L3MBTL4: variants seen among roughly 807,000 people sequenced by gnomAD.
L3MBTL4 encodes L3MBTL histone methyl-lysine binding protein 4, also known as lethal(3)malignant brain tumor-like protein 4.
Under a neutral mutation model 84.5 loss-of-function variants are expected in L3MBTL4, and 70 were observed. That is an observed-to-expected ratio of 0.83 (90% confidence interval 0.68 to 1.01). The LOEUF (loss-of-function observed/expected upper bound fraction) is 1.01. Ranked by LOEUF, L3MBTL4 falls within the 50% of genes least tolerant of loss-of-function variation. The pLI, the probability that L3MBTL4 is intolerant of heterozygous loss-of-function variation, is 0.00. For synonymous variants in L3MBTL4, 274 were observed against 259.8 expected (o/e 1.05, Z -0.52); for missense variants, 715 against 754.8 (o/e 0.95, Z 0.62).
intron 16 of L3MBTL4, among the ~76,000 whole-genome samples, chr18:6,013,215 G>A (rs1468998537): frequency 6.6e-6 from 1 of 152,166 alleles, no homozygotes; most frequent in Non-Finnish European, 1.5e-5. Context: ...ACTGGCAGGT[G>A]AACCCCAGCC....
At chr18:6,029,697 A>G (rs1199244064) in intron 16 of L3MBTL4, 1 of 985,212 alleles carries the variant, frequency 1.0e-6, no homozygotes, top group East Asian at 1.1e-4. Context: ...TCAAGTTCAC[A>G]AAGGGTAAAA....
At chr18:6,227,808 CT>C (rs2046838664) in intron 10 of L3MBTL4, among the ~76,000 whole-genome samples, 4 of 152,228 alleles carry the variant, frequency 2.6e-5, no homozygotes, top group Admixed American at 2.6e-4. Context: ...GTAGCTGGGA[CT>C]GCAGGTGCAT....
chr18:6,125,441 C>A (rs2059661187), intron 14 of L3MBTL4, among the ~76,000 whole-genome samples: 1 of 151,862 alleles, frequency 6.6e-6, no homozygotes, highest in Non-Finnish European at 1.5e-5. Context: ...TTGTTTTGTT[C>A]TTTTGGAAAC....
At chr18:6,260,356 T>A (rs1049832784) in intron 5 of L3MBTL4, 5 of 152,218 alleles carry the variant, frequency 3.3e-5, no homozygotes, top group Admixed American at 1.3e-4. Flanking sequence ...ATGTTTAATC[T>A]ATAGATTGCT....
At chr18:6,267,409 G>T (rs756028589) in intron 4 of L3MBTL4, among the ~76,000 whole-genome samples, 6 of 152,180 alleles carry the variant, frequency 3.9e-5, no homozygotes, top group Non-Finnish European at 8.8e-5. Context: ...CCATTAGAAC[G>T]CCTAAAGGTT....
At chr18:6,213,892 C>T (rs993404370) in intron 11 of L3MBTL4, among the ~76,000 whole-genome samples, 2 of 152,086 alleles carry the variant, frequency 1.3e-5, no homozygotes, top group African/African-American at 4.8e-5. Context: ...TATTACAGTT[C>T]CTATATTAGT....
chr18:6,356,403 C>T (rs1208916838), intron 1 of L3MBTL4, among the ~76,000 whole-genome samples: 1 of 152,228 alleles, frequency 6.6e-6, no homozygotes. Context: ...TTTTCTTTTC[C>T]TGATTGCCTG....
At chr18:6,149,847 C>T (rs1352674773) in intron 13 of L3MBTL4, among the ~76,000 whole-genome samples, 2 of 152,152 alleles carry the variant, frequency 1.3e-5, no homozygotes, top group African/African-American at 2.4e-5. Flanking sequence ...AAACCATCCC[C>T]CTTCTCTCTT....
At chr18:6,168,211 T>G (rs2043777989) in intron 13 of L3MBTL4, among the ~76,000 whole-genome samples, 1 of 152,112 alleles carries the variant, frequency 6.6e-6, no homozygotes, top group Admixed American at 6.5e-5. Context: ...TCCATGCTCA[T>G]GGGTAGGAAG....
intron 4 of L3MBTL4, among the ~76,000 whole-genome samples, chr18:6,284,681 C>G (rs1175603523): frequency 6.7e-6 from 1 of 150,040 alleles, no homozygotes; most frequent in Non-Finnish European, 1.5e-5. Context: ...GTATCCTATT[C>G]TGCCTCATCC....
At chr18:6,173,684 T>C (rs2044086717) in intron 12 of L3MBTL4, among the ~76,000 whole-genome samples, 2 of 151,952 alleles carry the variant, frequency 1.3e-5, no homozygotes, top group Admixed American at 6.6e-5. Context: ...GAGGCTGAAA[T>C]AGAAGAATCA....
chr18:6,378,893 T>G (rs113921401), intron 1 of L3MBTL4, among the ~76,000 whole-genome samples: 3,503 of 152,312 alleles, frequency 0.023, 55 homozygotes, highest in Middle Eastern at 0.092. Context: ...GCATTGAATC[T>G]ATAAATTATT....
chr18:6,394,206 G>A (rs945840270), intron 1 of L3MBTL4, among the ~76,000 whole-genome samples: 3 of 152,096 alleles, frequency 2.0e-5, no homozygotes, highest in African/African-American at 4.8e-5. Flanking sequence ...GGTGGCTCAC[G>A]GCTGTAATCC....
intron 9 of L3MBTL4, among the ~76,000 whole-genome samples, chr18:6,238,592 A>G (rs1471073701): frequency 1.3e-5 from 2 of 152,144 alleles, no homozygotes; most frequent in African/African-American, 4.8e-5. Context: ...GCTGCCAGTG[A>G]TGTTCCCAAA....
At chr18:6,199,845 C>T (rs1215004772) in intron 12 of L3MBTL4, among the ~76,000 whole-genome samples, 2 of 152,174 alleles carry the variant, frequency 1.3e-5, no homozygotes, top group Non-Finnish European at 2.9e-5. Flanking sequence ...CGGGTGATAG[C>T]AGAGAATTAT....
At chr18:6,104,828 A>G (rs1036209120) in intron 14 of L3MBTL4, among the ~76,000 whole-genome samples, 1 of 152,204 alleles carries the variant, frequency 6.6e-6, no homozygotes, top group East Asian at 1.9e-4. Flanking sequence ...GATATATTCC[A>G]TATTAAAGAA....
At chr18:6,318,526 G>GGAAAAAAAAAAAAAAAAAAA (rs2051235340) in intron 1 of L3MBTL4, among the ~76,000 whole-genome samples, 1 of 33,812 alleles carries the variant, frequency 3.0e-5, no homozygotes. Context: ...AAAAAAAAAA[G>GGAAAAAAAAAAAAAAAAAAA]ACAAAGAAGG....
intron 4 of L3MBTL4, among the ~76,000 whole-genome samples, chr18:6,292,410 G>T (rs544035616): frequency 6.4e-4 from 97 of 152,126 alleles, no homozygotes; most frequent in African/African-American, 2.3e-3. Flanking sequence ...AATAATGTTG[G>T]CTCAACACCT....
At chr18:6,238,930 A>C (rs2047333452) in intron 9 of L3MBTL4, among the ~76,000 whole-genome samples, 1 of 151,646 alleles carries the variant, frequency 6.6e-6, no homozygotes, top group Admixed American at 6.6e-5. Flanking sequence ...AAAAAAAAAA[A>C]CCCTTTCAAC....
Sources: gnomAD v4.1 joint callset for allele counts (sites outside exome capture counted in the v4.1 genomes callset) on GRCh38, gnomAD v4.1.1 for gene constraint, MANE v1.5 for transcripts, NCBI Gene and HGNC (gene_info 2026-07-23, HGNC 2026-07-21) for gene names.